Variants in DRC1 observed in about 807,000 individuals in gnomAD.
DRC1 encodes the protein dynein regulatory complex protein 1.
A neutral mutation model predicts 98.7 loss-of-function variants in DRC1; 74 were observed. That is an observed-to-expected ratio of 0.75 (90% CI 0.62 to 0.91). DRC1 has a LOEUF of 0.91. DRC1 is among the 40% of genes least tolerant of loss of function. DRC1 has a pLI of 0.00. For synonymous variants in DRC1, 336 were observed against 334.1 expected (o/e 1.01, Z -0.06); for missense variants, 875 against 886.0 (o/e 0.99, Z 0.16).
In DRC1 at chr2:26,444,303, C is replaced by T; in HGVS notation, c.1110C>T (p.Thr370=). Residue 370 remains threonine, a synonymous_variant, in exon 9 of 17, where the codon ACC becomes ACT. Transcript: ENST00000288710. ...TTCAGGAGGAGAACCAGTCTCTAAC[C>T]TCGGACTACAAACGTCTTGTGATGC... The part of the protein sequence containing the change: ...KQFQEENQSL[T]SDYKRLVMQF... The T allele has an allele frequency of 6.2e-7, 1 of 1,614,170 alleles. No homozygotes were observed. Among genetic ancestry groups the T allele is most frequent in the East Asian group, 2.2e-5 (1 of 44,884 alleles).
At chr2:26,424,484 A>G (rs1233787035) in intron 4 of DRC1, 30 bp downstream of exon 4, 3 of 1,584,718 alleles carry the variant, frequency 1.9e-6, no homozygotes, top group Non-Finnish European at 2.6e-6. Context: ...CAGCCCAGCC[A>G]CAGGGGATCT....
chr2:26,414,955 A>G (rs1427737257), intron 2 of DRC1, among the ~76,000 whole-genome samples: 1 of 152,116 alleles, frequency 6.6e-6, no homozygotes, highest in East Asian at 1.9e-4. Context: ...ATTCTTCCTC[A>G]GCCCAGCCTG....
At chr2:26,450,998 G>T (rs1449329509) in intron 13 of DRC1, among the ~76,000 whole-genome samples, 2 of 151,814 alleles carry the variant, frequency 1.3e-5, no homozygotes, top group Non-Finnish European at 2.9e-5. Flanking sequence ...CTGATCTTGT[G>T]ATCGTTTGCT....
intron 10 of DRC1, 33 bp downstream of exon 10, chr2:26,444,981 T>TGGAGGAGCCC: frequency 6.2e-7 from 1 of 1,603,152 alleles, no homozygotes; most frequent in South Asian, 1.1e-5. Flanking sequence ...GCCTTAGAGC[T>TGGAGGAGCCC]GGAGGAGCCC....
intron 1 of DRC1, among the ~76,000 whole-genome samples, chr2:26,411,687 C>T (rs1274264723): frequency 6.6e-6 from 1 of 152,088 alleles, no homozygotes; most frequent in South Asian, 2.1e-4. Context: ...GTCCCAGCTA[C>T]TCGGGAGACT....
chr2:26,445,968 GT>G (rs1025682516), intron 10 of DRC1, among the ~76,000 whole-genome samples: 1 of 151,704 alleles, frequency 6.6e-6, no homozygotes, highest in Non-Finnish European at 1.5e-5. Flanking sequence ...AGCCCTAGTA[GT>G]TTTTTTTAAC....
intron 1 of DRC1, among the ~76,000 whole-genome samples, chr2:26,408,179 C>T (rs1051004591): frequency 3.9e-5 from 6 of 152,076 alleles, no homozygotes; most frequent in Non-Finnish European, 7.4e-5. Flanking sequence ...TAAGGACAAC[C>T]GATTGGAAAA....
chr2:26,444,699 G>T lies in DRC1; in HGVS notation c.1164-17G>T. On this transcript the variant is annotated splice_polypyrimidine_tract_variant and intron_variant, in intron 9 of 16. Coordinates refer to ENST00000288710, the MANE Select transcript of DRC1 (RefSeq NM_145038.5). Reference sequence around the variant, plus strand: ...TCCTGGGGCCAGCTGGCCATGCTCTGTGACTCTCCTTCACAGGCATTTTGC... The same window carrying T: ...TCCTGGGGCCAGCTGGCCATGCTCTTTGACTCTCCTTCACAGGCATTTTGC... 6.2e-7 allele frequency: 1 copy of T among 1,612,602 alleles called. No individual in the cohort carries two copies. The highest frequency in any genetic ancestry group is 8.5e-7 in the Non-Finnish European group (1 of 1,178,996).
At chr2:26,456,433 G>A (rs1664176243) in intron 16 of DRC1, 28 bp from the exon 17 acceptor site, 6 of 1,613,814 alleles carry the variant, frequency 3.7e-6, no homozygotes, top group South Asian at 2.2e-5. Flanking sequence ...TGGGAAAAAT[G>A]TAACGACTTT....
At chr2:26,407,579 A>G (rs941291190) in intron 1 of DRC1, among the ~76,000 whole-genome samples, 13 of 152,076 alleles carry the variant, frequency 8.5e-5, no homozygotes, top group Non-Finnish European at 1.5e-5. Flanking sequence ...ACTAATTATT[A>G]TGAGGTCTTA....
intron 2 of DRC1, among the ~76,000 whole-genome samples, chr2:26,420,763 C>T (rs1244072244): frequency 3.4e-5 from 5 of 145,988 alleles, no homozygotes; most frequent in Admixed American, 2.7e-4. Flanking sequence ...TCTTTTTCTT[C>T]TTCTTTTTTT....
chr2:26,415,195 G>A (rs1678757208), intron 2 of DRC1, among the ~76,000 whole-genome samples: 1 of 152,126 alleles, frequency 6.6e-6, no homozygotes, highest in Non-Finnish European at 1.5e-5. Context: ...CGATGAAACA[G>A]CCCCTGGGAT....
intron 12 of DRC1, 118 bp from the exon 13 acceptor site, chr2:26,450,474 G>T: frequency 1.2e-6 from 1 of 826,468 alleles, no homozygotes; most frequent in Non-Finnish European, 1.9e-6. Flanking sequence ...TCCCAGCGTT[G>T]GATGAATGCC....
Position 26,456,600 on chromosome 2 carries a change from C to T in DRC1, c.*83C>T, listed in dbSNP as rs571064595. On this transcript the variant is annotated 3_prime_UTR_variant, in exon 17 of 17. Transcript: ENST00000288710. ...AGCCAGCTCATATCACCCACTGGGC[C>T]GCACCTGGGCCTGCTCTCTGGATTT... 24 of 1,536,348 alleles carry T rather than the reference C, an allele frequency of 1.6e-5. No homozygotes were observed. The highest frequency in any genetic ancestry group is 1.0e-4 in the Admixed American group (6 of 58,606).
intron 7 of DRC1, among the ~76,000 whole-genome samples, chr2:26,438,778 T>C (rs1252091226): frequency 6.6e-6 from 1 of 152,196 alleles, no homozygotes; most frequent in African/African-American, 2.4e-5. Flanking sequence ...CCTCTGTCGA[T>C]TCCTGGGCCA....
At chr2:26,455,083 A>G (rs1332701852) in intron 15 of DRC1, 48 bp from the exon 16 acceptor site, 4 of 1,600,900 alleles carry the variant, frequency 2.5e-6, no homozygotes, top group Non-Finnish European at 2.6e-6. Flanking sequence ...CCTACTTGGC[A>G]GAGGATGGAG....
intron 2 of DRC1, among the ~76,000 whole-genome samples, chr2:26,415,697 C>T (rs776850373): frequency 2.0e-5 from 3 of 152,044 alleles, no homozygotes; most frequent in Non-Finnish European, 4.4e-5. Flanking sequence ...TTTGGGAGGC[C>T]GAGGCGAGCG....
rs1664079511 is a variant in DRC1 at position 26,454,132 on chromosome 2, C to A, written c.1920-515C>A. Among the ~76,000 whole-genome samples the A allele has an allele frequency of 6.6e-6, 1 of 152,068 alleles. No homozygotes were observed. The highest frequency in any genetic ancestry group is 2.1e-4 in the South Asian group (1 of 4,824). ...ATGTGCCCAAGATCTTTGTCTTTAC[C>A]CGTTGGTGGGTGGGAGCCAGAAAAG... On this transcript the variant is annotated intron_variant, in intron 14 of 16. Transcript: ENST00000288710. The surrounding 1 kb of genome is among the most constrained non-coding windows in gnomAD (Gnocchi z 5.2).
chr2:26,450,353 C>G (rs1220255397), intron 12 of DRC1, among the ~76,000 whole-genome samples: 2 of 152,234 alleles, frequency 1.3e-5, no homozygotes, highest in Admixed American at 1.3e-4. Context: ...AAATCTGGTG[C>G]AGCCCCACTA....
Sources: gnomAD v4.1 joint callset for allele counts (sites outside exome capture counted in the v4.1 genomes callset) on GRCh38, gnomAD v4.1.1 for gene constraint, Gnocchi (gnomAD v3.1) non-coding constraint, MANE v1.5 for transcripts, NCBI Gene and HGNC (gene_info 2026-07-23, HGNC 2026-07-21) for gene names.